The following GLYR1 variants were observed in gnomAD, a reference collection of about 807,000 sequenced individuals.
The protein encoded by GLYR1 is cytokine-like nuclear factor N-PAC.
In GLYR1, 21 loss-of-function variants were observed where a neutral mutation model predicts 72.7. The ratio of observed to expected loss-of-function variants is 0.29; its 90% CI spans 0.20 to 0.42. GLYR1 has a LOEUF of 0.42. Among genes scored for constraint, GLYR1 ranks in the 10% least tolerant of loss-of-function variants. The probability of loss-of-function intolerance (pLI) is 1.00; values close to 1 mark genes in which losing one functional copy is unlikely to be tolerated. For missense variants in GLYR1, 594 were observed against 712.1 expected (o/e 0.83, Z 1.89); for synonymous variants, 392 against 270.2 (o/e 1.45, Z -4.42).
intron 5 of GLYR1, among the ~76,000 whole-genome samples, chr16:4,825,394 G>C (rs187585283): frequency 1.3e-3 from 193 of 152,290 alleles, no homozygotes; most frequent in African/African-American, 4.5e-3. Context: ...TGGCACCCTT[G>C]TGCTACTTGG....
At chr16:4,826,424 C>T (rs2084383366) in intron 5 of GLYR1, among the ~76,000 whole-genome samples, 1 of 152,064 alleles carries the variant, frequency 6.6e-6, no homozygotes, top group African/African-American at 2.4e-5. Context: ...GAATTTGGCT[C>T]CAGGGTCTGT....
chr16:4,830,097 C>G (rs2084693863), intron 5 of GLYR1, among the ~76,000 whole-genome samples: 1 of 151,576 alleles, frequency 6.6e-6, no homozygotes, highest in South Asian at 2.1e-4. Context: ...AGCTACCATG[C>G]CTGGCCAATT....
chr16:4,836,527 A>G (rs2085142694), intron 3 of GLYR1, among the ~76,000 whole-genome samples: 1 of 152,222 alleles, frequency 6.6e-6, no homozygotes, highest in South Asian at 2.1e-4. Flanking sequence ...TGAATGACAC[A>G]TTGTGATAGT....
chr16:4,817,408 C>T lies in GLYR1; in HGVS notation c.906+190G>A, dbSNP rs528143810. On this transcript the variant is annotated intron_variant, in intron 10 of 15. Coordinates refer to ENST00000321919, the MANE Select transcript of GLYR1 (RefSeq NM_032569.4). ...TGCTGGGATTACAGGAGTGAGCCAC[C>T]GCGCCAGGCAAATGTTTAGGTTTTA... 2.2e-4 allele frequency among the ~76,000 whole-genome samples: 33 copies of T among 152,198 alleles called. 1 individual carries two copies. In the South Asian group the frequency reaches 5.8e-3, roughly 27 times the overall value.
Position 4,813,845 on chromosome 16 carries a change from G to A in GLYR1, c.1018-7C>T. 6.2e-7 allele frequency: 1 copy of A among 1,603,856 alleles called. No individual in the cohort carries two copies. On this transcript the variant is annotated splice_polypyrimidine_tract_variant and splice_region_variant and intron_variant, in intron 11 of 15. Transcript: ENST00000321919. ...CACTGGGGCCCAGCACCAGCTGTGG[G>A]GACACAAGGGAGAAGCAATAGCCCA...
intron 7 of GLYR1, among the ~76,000 whole-genome samples, chr16:4,822,264 T>G (rs2084082930): frequency 6.6e-6 from 1 of 151,944 alleles, no homozygotes; most frequent in African/African-American, 2.4e-5. Flanking sequence ...TTTTTGTATT[T>G]TCAGTAGAGA....
rs1377095071 is a variant in GLYR1 at position 4,832,035 on chromosome 16, T to C, written c.481A>G (p.Lys161Glu). ...CGGGGACTTTGCTCTTGGGCTCTTT[T>C]CAGAGGGGATTTGGAGCCTCTCTCT... ...SSERGSKSPLKRAQEQSPRKR... is the reference protein window; with the variant it reads ...SSERGSKSPLERAQEQSPRKR... Residue 161 changes from lysine (K) to glutamate (E), a missense_variant, in exon 5 of 16, where the codon AAA becomes GAA. Physicochemically the swap from Lys to Glu is moderately conservative, Grantham distance 56. Transcript: ENST00000321919. 6.2e-6 allele frequency: 10 copies of C among 1,614,102 alleles called. No homozygotes were observed. Among genetic ancestry groups the C allele is most frequent in the Non-Finnish European group, 8.5e-6 (10 of 1,180,044 alleles).
At position 4,804,932 on chromosome 16, in the gene GLYR1, C is replaced by CGTGT. The variant is rs1421648852; in HGVS notation, c.*303_*304insACAC. The CGTGT allele has an allele frequency of 3.8e-5, 11 of 291,820 alleles. No homozygotes were observed. Among genetic ancestry groups the CGTGT allele is most frequent in the Admixed American group, 3.1e-4 (6 of 19,446 alleles). 18.1% of individuals were successfully genotyped at this position (291,820 alleles called of 1,614,324 possible). On this transcript the variant is annotated 3_prime_UTR_variant, in exon 16 of 16. Coordinates refer to ENST00000321919, the MANE Select transcript of GLYR1 (RefSeq NM_032569.4). ...GGCAGCTTCTATCCTGGGGCGAGAG[C>CGTGT]CTGTGTGTGTGTGTGTGTGTGTGTG...
chr16:4,825,633 T>C (rs893141129), intron 5 of GLYR1, among the ~76,000 whole-genome samples: 1 of 151,080 alleles, frequency 6.6e-6, no homozygotes, highest in Non-Finnish European at 1.5e-5. Context: ...TGCCCCTTCA[T>C]GAAACAGAAT....
chr16:4,832,919 G>A lies in GLYR1; in HGVS notation c.156-7C>T. 6.2e-7 allele frequency: 1 copy of A among 1,607,248 alleles called. No individual in the cohort carries two copies. Among genetic ancestry groups the A allele is most frequent in the Non-Finnish European group, 8.5e-7 (1 of 1,176,638 alleles). The stretch of plus-strand genomic sequence containing the variant: ...TTCCACTTTGATCCAGGCACTAGCA[G>A]AAAACAAACACAAAAAGGGTGTGAA... On this transcript the variant is annotated splice_region_variant and splice_polypyrimidine_tract_variant and intron_variant, in intron 3 of 15. Coordinates refer to ENST00000321919, the MANE Select transcript of GLYR1 (RefSeq NM_032569.4).
At chr16:4,830,917 G>A (rs1286241801) in intron 5 of GLYR1, among the ~76,000 whole-genome samples, 5 of 151,954 alleles carry the variant, frequency 3.3e-5, no homozygotes, top group Non-Finnish European at 7.4e-5. Flanking sequence ...TCCACTGCCC[G>A]GACTCAACTA....
At chr16:4,831,582 C>T (rs182123802) in intron 5 of GLYR1, among the ~76,000 whole-genome samples, 8 of 152,360 alleles carry the variant, frequency 5.3e-5, no homozygotes, top group African/African-American at 1.7e-4. Context: ...CCTTGTGCAC[C>T]GGCTCAAGTG....
chr16:4,830,377 G>GA (rs954826357), intron 5 of GLYR1, among the ~76,000 whole-genome samples: 2 of 152,066 alleles, frequency 1.3e-5, no homozygotes, highest in East Asian at 1.9e-4. Context: ...CTTCTCTTGA[G>GA]AAAAAACAGA....
In GLYR1 at chr16:4,805,019, T is replaced by G; in HGVS notation, c.*217A>C. 4 of 478,796 alleles carry G rather than the reference T, an allele frequency of 8.4e-6. No homozygotes were observed. Among genetic ancestry groups the G allele is most frequent in the East Asian group, 3.7e-5 (1 of 26,778 alleles). 29.7% of individuals were successfully genotyped at this position (478,796 alleles called of 1,614,324 possible). On this transcript the variant is annotated 3_prime_UTR_variant, in exon 16 of 16. Transcript: ENST00000321919. ...GGGGCCAGTGCCCAGCTCAAGAGCT[T>G]TCCCACACGCCAATCCTGCTGACAC... is the stretch of plus-strand genomic sequence containing the variant.
intron 2 of GLYR1, 78 bp from the exon 3 acceptor site, chr16:4,845,231 G>T (rs916134900): frequency 1.1e-6 from 1 of 883,920 alleles, no homozygotes; most frequent in Non-Finnish European, 1.9e-6. Flanking sequence ...TTGCTCTACA[G>T]TTCTACGTTG....
intron 5 of GLYR1, among the ~76,000 whole-genome samples, chr16:4,831,495 C>T (rs530104024): frequency 2.0e-5 from 3 of 152,264 alleles, no homozygotes; most frequent in Non-Finnish European, 2.9e-5. Flanking sequence ...CCACCAGCAC[C>T]GAGCCTCACA....
In GLYR1 at chr16:4,803,344, A is replaced by C. The variant is rs1262457412; in HGVS notation, c.*1892T>G. 6.5e-6 allele frequency: 1 copy of C among 152,720 alleles called. No individual in the cohort carries two copies. The highest frequency in any genetic ancestry group is 1.9e-4 in the East Asian group (1 of 5,208). 9.5% of individuals were successfully genotyped at this position (152,720 alleles called of 1,614,324 possible). On this transcript the variant is annotated 3_prime_UTR_variant, in exon 16 of 16. Transcript: ENST00000321919. ...TCATTAAAAACAAAGCAAAAATAAAAATTCACAACCTTAATTACCTAGATT... is the reference window on the plus strand; with the variant it reads ...TCATTAAAAACAAAGCAAAAATAAACATTCACAACCTTAATTACCTAGATT...
intron 5 of GLYR1, among the ~76,000 whole-genome samples, chr16:4,825,103 A>G (rs2054675522): frequency 6.6e-6 from 1 of 152,078 alleles, no homozygotes; most frequent in African/African-American, 2.4e-5. Flanking sequence ...GCTTCCACTC[A>G]CAGTCTAGTC....
At chr16:4,847,157 C>T (rs1375731959) in intron 1 of GLYR1, 71 bp downstream of exon 1, 4 of 1,428,068 alleles carry the variant, frequency 2.8e-6, no homozygotes, top group South Asian at 2.4e-5. Context: ...GCTCCAGGGC[C>T]GGCAGCGAAC....
Sources: gnomAD v4.1 joint callset for allele counts (sites outside exome capture counted in the v4.1 genomes callset) on GRCh38, gnomAD v4.1.1 for gene constraint, MANE v1.5 for transcripts, NCBI Gene and HGNC (gene_info 2026-07-23, HGNC 2026-07-21) for gene names.